Variants in IPO7 observed in about 807,000 individuals in gnomAD.
IPO7 encodes the protein importin-7.
A neutral mutation model predicts 136.4 loss-of-function variants in IPO7; 13 were observed. That is an observed-to-expected ratio of 0.10 (90% CI 0.06 to 0.15). IPO7 has a LOEUF of 0.15. Among genes scored for constraint, IPO7 ranks in the 10% least tolerant of loss-of-function variants. IPO7 has a pLI of 1.00. For missense variants in IPO7, 857 were observed against 1,240.6 expected (o/e 0.69, Z 4.65); for synonymous variants, 403 against 404.4 (o/e 1.00, Z 0.04).
chr11:9,413,460 G>A (rs187892159), intron 4 of IPO7, among the ~76,000 whole-genome samples: 23 of 151,968 alleles, frequency 1.5e-4, no homozygotes, highest in South Asian at 6.2e-4. Context: ...TACTGTTTAC[G>A]CAAATATAAT....
At chr11:9,393,215 A>G (rs1465063608) in intron 1 of IPO7, among the ~76,000 whole-genome samples, 2 of 152,196 alleles carry the variant, frequency 1.3e-5, no homozygotes, top group Non-Finnish European at 2.9e-5. Flanking sequence ...AGTATGATCC[A>G]AAGGTATGGG....
At chr11:9,413,301 G>T (rs778442781) in intron 4 of IPO7, among the ~76,000 whole-genome samples, 1 of 152,054 alleles carries the variant, frequency 6.6e-6, no homozygotes, top group Non-Finnish European at 1.5e-5. Context: ...ACATTTTGTT[G>T]CCCTATGGGT....
At position 9,414,409 on chromosome 11, in the gene IPO7, C is replaced by A; in HGVS notation, c.634C>A (p.Gln212Lys). 6.3e-7 allele frequency: 1 copy of A among 1,581,956 alleles called. No individual in the cohort carries two copies. The highest frequency in any genetic ancestry group is 8.6e-7 in the Non-Finnish European group (1 of 1,165,276). ...QIFKIFYALV[Q>K]YTLPLELINQ... ...ATTCAAGATCTTCTATGCTCTTGTT[C>A]AGGTAATATCTGTGAAGCAGTTTTT... Residue 212 changes from glutamine to lysine, a missense_variant and splice_region_variant, in exon 5 of 25, where the codon CAG becomes AAG. Physicochemically the swap from Gln to Lys is moderately conservative, Grantham distance 53. Coordinates refer to ENST00000379719, the MANE Select transcript of IPO7 (RefSeq NM_006391.3).
chr11:9,389,124 GCTCACTGTAGC>G (rs1230272676), intron 1 of IPO7, among the ~76,000 whole-genome samples: 1 of 151,622 alleles, frequency 6.6e-6, no homozygotes, highest in Admixed American at 6.6e-5. Flanking sequence ...CATGATCTTG[GCTCACTGTAGC>G]CTCCAATCCC....
chr11:9,384,997 G>C (rs1854531242), intron 1 of IPO7, 150 bp downstream of exon 1: 1 of 639,694 alleles, frequency 1.6e-6, no homozygotes. Context: ...CTTCCACGCC[G>C]GGGCGCCTCG....
intron 24 of IPO7, among the ~76,000 whole-genome samples, chr11:9,444,386 G>A (rs914549566): frequency 6.6e-6 from 1 of 150,906 alleles, no homozygotes; most frequent in African/African-American, 2.4e-5. Flanking sequence ...TTATTTATTT[G>A]TTTGAGTGAC....
intron 1 of IPO7, among the ~76,000 whole-genome samples, chr11:9,394,104 C>G (rs761703383): frequency 7.9e-5 from 12 of 151,452 alleles, no homozygotes; most frequent in Non-Finnish European, 1.8e-4. Flanking sequence ...GTCTCCATCT[C>G]TTGACTTCGT....
At position 9,420,602 on chromosome 11, in the gene IPO7, A is replaced by T; in HGVS notation, c.822-12A>T. The T allele has an allele frequency of 6.9e-6, 11 of 1,602,626 alleles. No individual in the cohort carries two copies. Among genetic ancestry groups the T allele is most frequent in the Non-Finnish European group, 8.5e-6 (10 of 1,170,002 alleles). The stretch of plus-strand genomic sequence containing the variant: ...TTATAAAGAAACAATGGGCATTTTG[A>T]TGTTCTTTTAGATATGGAAGCCCTG... On this transcript the variant is annotated splice_polypyrimidine_tract_variant and intron_variant, in intron 7 of 24. Coordinates refer to ENST00000379719, the MANE Select transcript of IPO7 (RefSeq NM_006391.3).
At chr11:9,408,710 T>TG (rs1364425019) in intron 3 of IPO7, 71 bp downstream of exon 3, 38 of 938,138 alleles carry the variant, frequency 4.1e-5, no homozygotes, top group African/African-American at 5.7e-5. Flanking sequence ...TTTGGTTTTT[T>TG]TTTTTTTTTT....
At position 9,404,072 on chromosome 11, in the gene IPO7, T is replaced by A. The variant is rs192494642; in HGVS notation, c.166+701T>A. On this transcript the variant is annotated intron_variant, in intron 2 of 24. Coordinates refer to ENST00000379719, the MANE Select transcript of IPO7 (RefSeq NM_006391.3). ...ATTTGCAGATGTAATAATTTTGTTA[T>A]GGGAAATACAAAGTACCAATAATTT... 2.7e-3 allele frequency among the ~76,000 whole-genome samples: 417 copies of A among 152,336 alleles called. 1 individual carries two copies. The highest frequency in any genetic ancestry group is 9.7e-3 in the African/African-American group (403 of 41,576).
At chr11:9,422,755 C>CG (rs943379710) in intron 8 of IPO7, among the ~76,000 whole-genome samples, 17 of 152,020 alleles carry the variant, frequency 1.1e-4, no homozygotes, top group African/African-American at 4.1e-4. Context: ...AGAGACCAGC[C>CG]GGGGCAACGT....
At chr11:9,404,598 C>G (rs1426407828) in intron 2 of IPO7, among the ~76,000 whole-genome samples, 3 of 137,402 alleles carry the variant, frequency 2.2e-5, no homozygotes, top group African/African-American at 8.4e-5. Context: ...CGGAGTCTCG[C>G]TCTGTTGCCC....
At chr11:9,386,910 A>G (rs1854559088) in intron 1 of IPO7, among the ~76,000 whole-genome samples, 1 of 152,226 alleles carries the variant, frequency 6.6e-6, no homozygotes, top group Non-Finnish European at 1.5e-5. Context: ...TCTTTCAATT[A>G]TAACACCTAG....
intron 1 of IPO7, among the ~76,000 whole-genome samples, chr11:9,395,723 AT>A (rs1470544055): frequency 6.6e-6 from 1 of 151,872 alleles, no homozygotes; most frequent in Non-Finnish European, 1.5e-5. Flanking sequence ...TTATAAAGTT[AT>A]GCTTTTTTTT....
chr11:9,405,173 T>TTTTTTG (rs1235727489), intron 2 of IPO7, among the ~76,000 whole-genome samples: 1 of 152,030 alleles, frequency 6.6e-6, no homozygotes, highest in Non-Finnish European at 1.5e-5. Context: ...GCTCCATCTT[T>TTTTTTG]TTTTTGTTTT....
chr11:9,441,746 G>C (rs1434972445), intron 23 of IPO7, among the ~76,000 whole-genome samples: 1 of 152,184 alleles, frequency 6.6e-6, no homozygotes, highest in South Asian at 2.1e-4. Flanking sequence ...CTTTAGCTCT[G>C]AATCTTTTAA....
chr11:9,426,348 C>T (rs957238508), intron 12 of IPO7, among the ~76,000 whole-genome samples: 1 of 152,136 alleles, frequency 6.6e-6, no homozygotes, highest in African/African-American at 2.4e-5. Flanking sequence ...TAGCAGGTTT[C>T]AGTACTTTTT....
At chr11:9,390,897 G>A (rs1854623285) in intron 1 of IPO7, among the ~76,000 whole-genome samples, 1 of 152,030 alleles carries the variant, frequency 6.6e-6, no homozygotes, top group Non-Finnish European at 1.5e-5. Flanking sequence ...AGCCTCCCGA[G>A]TAGCTGGGAC....
chr11:9,425,517 G>T (rs1353556550), intron 12 of IPO7, among the ~76,000 whole-genome samples: 1 of 151,916 alleles, frequency 6.6e-6, no homozygotes, highest in African/African-American at 2.4e-5. Flanking sequence ...AGGGCGGGGG[G>T]ATCACCTGAG....
Sources: allele counts gnomAD v4.1 joint callset (sites outside exome capture counted in the v4.1 genomes callset), GRCh38; gene constraint gnomAD v4.1.1; transcripts MANE v1.5; gene names NCBI Gene and HGNC (gene_info 2026-07-23, HGNC 2026-07-21).